DIAPH1: variants seen among roughly 807,000 people sequenced by gnomAD.
DIAPH1 encodes the protein protein diaphanous homolog 1.
Under a neutral mutation model 140.7 loss-of-function variants are expected in DIAPH1, and 46 were observed. The ratio of observed to expected loss-of-function variants is 0.33; its 90% confidence interval spans 0.26 to 0.42. The LOEUF (loss-of-function observed/expected upper bound fraction) is 0.42, where lower values mean the gene tolerates loss of function less well. DIAPH1 is among the 10% of genes least tolerant of loss of function. The pLI is 1.00. For missense variants in DIAPH1, 1,310 were observed against 1,558.7 expected, an observed-to-expected ratio of 0.84 and a Z score of 2.69; for synonymous variants, 565 against 551.6, an observed-to-expected ratio of 1.02 and a Z score of -0.34.
intron 16 of DIAPH1, among the ~76,000 whole-genome samples, chr5:141,572,407 A>G (rs563847612): frequency 6.6e-6 from 1 of 152,272 alleles, no homozygotes; most frequent in African/African-American, 2.4e-5. Flanking sequence ...CAAATCCCTA[A>G]GGTCCTTTAT....
chr5:141,526,493 G>A, intron 24 of DIAPH1, 32 bp from the exon 25 acceptor site: 4 of 1,613,910 alleles, frequency 2.5e-6, no homozygotes, highest in Non-Finnish European at 3.4e-6. Flanking sequence ...CCAAGACCAA[G>A]ACCAAGAAGC....
At position 141,529,617 on chromosome 5, in the gene DIAPH1, C is replaced by T. The variant is rs2099887896; in HGVS notation, c.2662G>A (p.Glu888Lys). 6.2e-7 allele frequency: 1 copy of T among 1,613,880 alleles called. No individual in the cohort carries two copies. Among genetic ancestry groups the T allele is most frequent in the South Asian group, 1.1e-5 (1 of 91,068 alleles). The change falls in exon 20 of 28, where the codon GAG becomes AAG. Residue 888 changes from glutamate (E) to lysine (K), a missense_variant. By Grantham distance (56) the Glu-to-Lys change is moderately conservative. Transcript: ENST00000389054. ...ILEVNEAVLT[E>K]SMIQNLIKQM... ...TTACTCCTTACCTGGATCATAGACT[C>T]AGTCAGAACAGCCTCATTCACCTCC...
chr5:141,602,810 G>A (rs1469219818), intron 1 of DIAPH1, among the ~76,000 whole-genome samples: 1 of 152,126 alleles, frequency 6.6e-6, no homozygotes, highest in Non-Finnish European at 1.5e-5. Flanking sequence ...AACTTTAAAT[G>A]CACAGAAGAA....
In DIAPH1 at chr5:141,529,145, C is replaced by A. The variant is rs188955528; in HGVS notation, c.2778+27G>T. 225 of 1,605,374 alleles carry A rather than the reference C, an allele frequency of 1.4e-4. 1 individual carries two copies. In the East Asian group the frequency reaches 2.1e-3, roughly 15 times the overall value. On this transcript the variant is annotated intron_variant, in intron 21 of 27. Transcript: ENST00000389054. ...GGAGGGGAATACAGGAGGTGGAAAA[C>A]CGCTTACTGCCACAGGCCTCACTCA...
intron 18 of DIAPH1, among the ~76,000 whole-genome samples, chr5:141,549,133 A>G (rs757337127): frequency 1.6e-4 from 24 of 152,308 alleles, no homozygotes; most frequent in Admixed American, 8.5e-4. Flanking sequence ...GTTACAAAAC[A>G]TACTAAATAT....
chr5:141,585,962 G>A (rs2099897480), intron 3 of DIAPH1, among the ~76,000 whole-genome samples: 2 of 152,150 alleles, frequency 1.3e-5, no homozygotes, highest in Non-Finnish European at 2.9e-5. Flanking sequence ...TAAAATTACG[G>A]ATTGCTGACT....
At chr5:141,521,090 C>G (rs1212868965) in intron 27 of DIAPH1, among the ~76,000 whole-genome samples, 1 of 152,060 alleles carries the variant, frequency 6.6e-6, no homozygotes, top group African/African-American at 2.4e-5. Context: ...TTGGTAGAGA[C>G]AGAGTTTCAC....
Position 141,618,513 on chromosome 5 carries a change from G to A in DIAPH1, c.117+285C>T, listed in dbSNP as rs188152577. ...AAGTGAGGCTGAGAGGGGAGAGACG[G>A]GGCTGAGAGCCGGCCGGGGATATGC... is the stretch of plus-strand genomic sequence containing the variant. On this transcript the variant is annotated intron_variant, in intron 1 of 27. Coordinates refer to ENST00000389054, the MANE Select transcript of DIAPH1 (RefSeq NM_005219.5). 1.9e-3 allele frequency: 641 copies of A among 334,946 alleles called. 3 individuals are homozygous for A. The highest frequency in any genetic ancestry group is 3.5e-3 in the Middle Eastern group (4 of 1,144). 20.7% of individuals were successfully genotyped at this position (334,946 alleles called of 1,614,324 possible).
chr5:141,545,100 C>A (rs1317790799), intron 18 of DIAPH1, among the ~76,000 whole-genome samples: 2 of 152,112 alleles, frequency 1.3e-5, no homozygotes, highest in Non-Finnish European at 2.9e-5. Context: ...ATATGACAGT[C>A]TGAAAAAGAC....
At chr5:141,532,082 T>C (rs888107357) in intron 19 of DIAPH1, among the ~76,000 whole-genome samples, 6 of 152,280 alleles carry the variant, frequency 3.9e-5, no homozygotes, top group Non-Finnish European at 5.9e-5. Context: ...CTCAACTACT[T>C]GCAGTTCCTG....
intron 1 of DIAPH1, among the ~76,000 whole-genome samples, chr5:141,599,280 AT>A (rs1353831860): frequency 2.6e-5 from 4 of 152,202 alleles, no homozygotes; most frequent in African/African-American, 9.7e-5. Flanking sequence ...ATGGACGGTA[AT>A]TGCAAGAACC....
chr5:141,616,803 C>G (rs544031719), intron 1 of DIAPH1, among the ~76,000 whole-genome samples: 1 of 151,962 alleles, frequency 6.6e-6, no homozygotes, highest in Non-Finnish European at 1.5e-5. Context: ...AGACTAACAC[C>G]GCAGAAAGAA....
At chr5:141,602,208 T>C (rs1238819068) in intron 1 of DIAPH1, among the ~76,000 whole-genome samples, 1 of 152,090 alleles carries the variant, frequency 6.6e-6, no homozygotes, top group Non-Finnish European at 1.5e-5. Flanking sequence ...TGATCTAGCT[T>C]TGCCACAAAA....
Position 141,515,229 on chromosome 5 carries a change from A to T in DIAPH1, c.*1622T>A, listed in dbSNP as rs1469483433. ...CCCCAGATGTCAGCGAGCAGGGAGG[A>T]GGTGACCCAGGGGAGCAACAGACGC... On this transcript the variant is annotated 3_prime_UTR_variant, in exon 28 of 28. Transcript: ENST00000389054. 1 of 152,248 alleles carries T rather than the reference A, an allele frequency of 6.6e-6. No homozygotes were observed. Among genetic ancestry groups the T allele is most frequent in the African/African-American group, 2.4e-5 (1 of 41,368 alleles). The allele number at this position is 152,248 out of a possible 1,614,324, so 9.4% of individuals were successfully genotyped here.
intron 3 of DIAPH1, among the ~76,000 whole-genome samples, chr5:141,584,682 A>AAC (rs1234904873): frequency 3.9e-5 from 6 of 152,242 alleles, no homozygotes; most frequent in African/African-American, 1.4e-4. Flanking sequence ...TCCCTGTACA[A>AAC]ACTCCTTTCC....
intron 27 of DIAPH1, among the ~76,000 whole-genome samples, chr5:141,520,899 T>TTTA (rs1303416243): frequency 6.6e-6 from 1 of 152,022 alleles, no homozygotes; most frequent in Non-Finnish European, 1.5e-5. Context: ...ACTTTATCTG[T>TTTA]TTTTTATTTT....
At chr5:141,546,584 A>C (rs144597190) in intron 18 of DIAPH1, among the ~76,000 whole-genome samples, 40 of 149,448 alleles carry the variant, frequency 2.7e-4, no homozygotes, top group Non-Finnish European at 4.9e-4. Flanking sequence ...TGAACCCGAG[A>C]GGTGGAAGTT....
chr5:141,540,433 C>A (rs1291597017), intron 18 of DIAPH1, among the ~76,000 whole-genome samples: 4 of 152,082 alleles, frequency 2.6e-5, no homozygotes, highest in African/African-American at 9.7e-5. Context: ...CAGGCGCCTG[C>A]CACACGCCCA....
intron 6 of DIAPH1, among the ~76,000 whole-genome samples, chr5:141,582,717 T>C (rs2099896952): frequency 1.3e-5 from 2 of 152,232 alleles, no homozygotes; most frequent in Admixed American, 6.5e-5. Flanking sequence ...TGAGAAGATA[T>C]ATGTAGGTCT....
Sources: allele counts gnomAD v4.1 joint callset (sites outside exome capture counted in the v4.1 genomes callset), GRCh38; gene constraint gnomAD v4.1.1; transcripts MANE v1.5; gene names NCBI Gene and HGNC (gene_info 2026-07-23, HGNC 2026-07-21).